Variants in ADAMTS18 observed in about 807,000 individuals in gnomAD.
The protein encoded by ADAMTS18 is A disintegrin and metalloproteinase with thrombospondin motifs 18.
In ADAMTS18, 157 loss-of-function variants were observed where a neutral mutation model predicts 165.9. The observed-to-expected ratio is 0.95, with a 90% CI of 0.83 to 1.08. ADAMTS18 has a LOEUF of 1.08. ADAMTS18 is among the 50% of genes least tolerant of loss of function. The pLI is 0.00. For synonymous variants in ADAMTS18, 782 were observed against 578.2 expected (o/e 1.35, Z -5.06); for missense variants, 2,040 against 1,534.0 (o/e 1.33, Z -5.51).
intron 11 of ADAMTS18, among the ~76,000 whole-genome samples, chr16:77,338,257 A>G (rs1483853640): frequency 6.6e-6 from 1 of 151,498 alleles, no homozygotes; most frequent in Non-Finnish European, 1.5e-5. Flanking sequence ...TTGTTTTTAG[A>G]CAGGTTATCA....
intron 11 of ADAMTS18, among the ~76,000 whole-genome samples, chr16:77,337,498 C>G (rs1188594995): frequency 1.3e-5 from 2 of 152,206 alleles, no homozygotes; most frequent in African/African-American, 4.8e-5. Flanking sequence ...CAGAGTGACA[C>G]AAACTACCCA....
chr16:77,376,228 C>A (rs1257387781), intron 3 of ADAMTS18, among the ~76,000 whole-genome samples: 2 of 152,060 alleles, frequency 1.3e-5, no homozygotes, highest in Non-Finnish European at 2.9e-5. Context: ...ATGGCTGGAG[C>A]AGAAGGAAGA....
chr16:77,318,748 T>C (rs2055932473), intron 16 of ADAMTS18, among the ~76,000 whole-genome samples: 1 of 152,174 alleles, frequency 6.6e-6, no homozygotes, highest in Non-Finnish European at 1.5e-5. Flanking sequence ...TAGGCAAGTC[T>C]TTTAATCTTT....
At chr16:77,347,721 C>T (rs768332980) in intron 10 of ADAMTS18, among the ~76,000 whole-genome samples, 5 of 152,040 alleles carry the variant, frequency 3.3e-5, no homozygotes, top group Non-Finnish European at 5.9e-5. Context: ...GTATTTTGCT[C>T]CTCCCCTCCT....
At chr16:77,378,178 CA>C (rs144724442) in intron 3 of ADAMTS18, among the ~76,000 whole-genome samples, 5,994 of 151,758 alleles carry the variant, frequency 0.039, 345 homozygotes, top group African/African-American at 0.13. Flanking sequence ...AAATGTTAGC[CA>C]GGTGTGTGTG....
chr16:77,323,451 C>T (rs1385064165), intron 13 of ADAMTS18, among the ~76,000 whole-genome samples: 2 of 151,942 alleles, frequency 1.3e-5, no homozygotes, highest in Non-Finnish European at 2.9e-5. Flanking sequence ...TTAATAGCAG[C>T]TTTATTTAAT....
At chr16:77,286,132 C>T (rs1396046064) in intron 22 of ADAMTS18, among the ~76,000 whole-genome samples, 1 of 152,172 alleles carries the variant, frequency 6.6e-6, no homozygotes, top group African/African-American at 2.4e-5. Flanking sequence ...TCGTGCCATT[C>T]CTCAATTAGA....
intron 3 of ADAMTS18, among the ~76,000 whole-genome samples, chr16:77,426,112 T>C (rs1310478641): frequency 1.3e-5 from 2 of 152,088 alleles, no homozygotes; most frequent in Non-Finnish European, 2.9e-5. Context: ...ATCCTACCTC[T>C]TGGCACTTCA....
At chr16:77,337,634 C>G (rs1342776475) in intron 11 of ADAMTS18, among the ~76,000 whole-genome samples, 4 of 152,180 alleles carry the variant, frequency 2.6e-5, no homozygotes, top group African/African-American at 9.7e-5. Context: ...TACCTTAATT[C>G]TAATCTAATT....
chr16:77,293,571 C>A (rs1321342737), intron 19 of ADAMTS18, among the ~76,000 whole-genome samples: 1 of 151,792 alleles, frequency 6.6e-6, no homozygotes, highest in Non-Finnish European at 1.5e-5. Context: ...GAAAGAACCC[C>A]TAAACAAGCT....
At chr16:77,396,006 C>A (rs898713007) in intron 3 of ADAMTS18, among the ~76,000 whole-genome samples, 1 of 152,158 alleles carries the variant, frequency 6.6e-6, no homozygotes, top group African/African-American at 2.4e-5. Flanking sequence ...CCTAACAGCA[C>A]CCTAGGGTAG....
intron 14 of ADAMTS18, 72 bp downstream of exon 14, chr16:77,322,264 C>A (rs1202307089): frequency 2.6e-6 from 4 of 1,566,016 alleles, no homozygotes; most frequent in Non-Finnish European, 3.5e-6. Flanking sequence ...TCTCACACCA[C>A]TGTTCACGGT....
chr16:77,333,416 A>T (rs1410306088), intron 12 of ADAMTS18, among the ~76,000 whole-genome samples: 1 of 151,682 alleles, frequency 6.6e-6, no homozygotes, highest in Non-Finnish European at 1.5e-5. Flanking sequence ...GGCGCTATAT[A>T]CCTATATAAC....
chr16:77,330,408 T>C (rs372505669), intron 12 of ADAMTS18, among the ~76,000 whole-genome samples: 1 of 152,202 alleles, frequency 6.6e-6, no homozygotes, highest in Non-Finnish European at 1.5e-5. Flanking sequence ...ATTAAGACTA[T>C]GGGAACTTAA....
intron 10 of ADAMTS18, among the ~76,000 whole-genome samples, chr16:77,348,636 G>A (rs2056511537): frequency 6.6e-6 from 1 of 152,190 alleles, no homozygotes; most frequent in African/African-American, 2.4e-5. Flanking sequence ...TAAAACATGT[G>A]AGCTTTGGTT....
At chr16:77,425,796 A>C (rs868227990) in intron 3 of ADAMTS18, among the ~76,000 whole-genome samples, 1 of 152,120 alleles carries the variant, frequency 6.6e-6, no homozygotes, top group African/African-American at 2.4e-5. Flanking sequence ...TAATTCTGGC[A>C]CTTTGGGAGG....
At chr16:77,393,708 C>T (rs559189995) in intron 3 of ADAMTS18, among the ~76,000 whole-genome samples, 12 of 152,298 alleles carry the variant, frequency 7.9e-5, no homozygotes, top group South Asian at 6.2e-4. Flanking sequence ...GTCCAGTTTC[C>T]AGAACTGTGA....
chr16:77,334,135 G>C (rs1266372790), intron 12 of ADAMTS18, among the ~76,000 whole-genome samples: 2 of 89,054 alleles, frequency 2.2e-5, no homozygotes, highest in Non-Finnish European at 4.1e-5. Context: ...ATAATATATA[G>C]TGTTATATAT....
At chr16:77,351,733 T>A (rs945775505) in intron 10 of ADAMTS18, among the ~76,000 whole-genome samples, 1 of 152,084 alleles carries the variant, frequency 6.6e-6, no homozygotes, top group Non-Finnish European at 1.5e-5. Flanking sequence ...TCTGTTAATT[T>A]TTTTTTTCTT....
Sources: allele counts gnomAD v4.1 joint callset (sites outside exome capture counted in the v4.1 genomes callset), GRCh38; gene constraint gnomAD v4.1.1; transcripts MANE v1.5; gene names NCBI Gene and HGNC (gene_info 2026-07-23, HGNC 2026-07-21).